The following PRELID2 variants were observed in gnomAD, a reference collection of about 807,000 sequenced individuals.
PRELID2 encodes PRELI domain containing 2.
A neutral mutation model predicts 28.4 loss-of-function variants in PRELID2; 25 were observed. The observed-to-expected ratio is 0.88, with a 90% CI of 0.64 to 1.23. PRELID2 has a LOEUF of 1.23. PRELID2 is among the 50% of genes most tolerant of loss of function. The probability of loss-of-function intolerance (pLI) is 0.00; values close to 1 mark genes in which losing one functional copy is unlikely to be tolerated. For missense variants in PRELID2, 201 were observed against 214.4 expected, an observed-to-expected ratio of 0.94 and a Z score of 0.39; for synonymous variants, 76 against 71.6, an observed-to-expected ratio of 1.06 and a Z score of -0.31.
chr5:145,319,341 T>C, the PRELID2 span, among the ~76,000 whole-genome samples: 2 of 152,078 alleles, frequency 1.3e-5, no homozygotes, highest in Non-Finnish European at 2.9e-5. Flanking sequence ...CCGAATCTTG[T>C]CTCAAGTAAT....
At chr5:145,493,514 T>C (rs1046779250) in intron 1 of PRELID2, among the ~76,000 whole-genome samples, 13 of 152,170 alleles carry the variant, frequency 8.5e-5, no homozygotes, top group Non-Finnish European at 4.4e-5. Flanking sequence ...TGATAAACAC[T>C]GTAGCATGGC....
At chr5:145,268,476 C>T in the PRELID2 span, among the ~76,000 whole-genome samples, 1 of 152,080 alleles carries the variant, frequency 6.6e-6, no homozygotes, top group South Asian at 2.1e-4. Flanking sequence ...GGCTTCCACG[C>T]ACCACAGGTA....
the PRELID2 span, among the ~76,000 whole-genome samples, chr5:145,412,448 T>C: frequency 6.6e-6 from 1 of 152,202 alleles, no homozygotes; most frequent in Admixed American, 6.5e-5. Flanking sequence ...TTCTTCACCA[T>C]CTGACCACCT....
chr5:145,464,895 G>C, the PRELID2 span, among the ~76,000 whole-genome samples: 3 of 151,958 alleles, frequency 2.0e-5, no homozygotes, highest in African/African-American at 7.3e-5. Flanking sequence ...CCAACAGGGG[G>C]GACTGGGGTA....
chr5:145,268,352 T>G, the PRELID2 span, among the ~76,000 whole-genome samples: 11,054 of 152,146 alleles, frequency 0.073, 1,247 homozygotes, highest in African/African-American at 0.25. Context: ...TCATTCTTCT[T>G]CATGTGGATA....
the PRELID2 span, among the ~76,000 whole-genome samples, chr5:145,449,040 T>C: frequency 6.6e-6 from 1 of 152,174 alleles, no homozygotes; most frequent in Non-Finnish European, 1.5e-5. Flanking sequence ...GAACACCATC[T>C]GCTGCCTGGT....
intron 1 of PRELID2, among the ~76,000 whole-genome samples, chr5:145,486,714 A>T (rs552910480): frequency 6.6e-6 from 1 of 152,312 alleles, no homozygotes; most frequent in South Asian, 2.1e-4. Flanking sequence ...ATCTTCTACT[A>T]CCTTAGTCAT....
intron 1 of PRELID2, among the ~76,000 whole-genome samples, chr5:145,544,330 C>G (rs902728292): frequency 1.3e-5 from 2 of 152,086 alleles, no homozygotes; most frequent in South Asian, 2.1e-4. Flanking sequence ...TAAACTTATG[C>G]TTTAATTTCA....
chr5:145,740,855 T>A (rs1262122470), intron 1 of PRELID2, among the ~76,000 whole-genome samples: 1 of 30,322 alleles, frequency 3.3e-5, no homozygotes. Flanking sequence ...AATATATATG[T>A]ACATATATTT....
the PRELID2 span, among the ~76,000 whole-genome samples, chr5:145,340,745 G>A: frequency 1.4e-5 from 2 of 145,022 alleles, no homozygotes; most frequent in African/African-American, 5.1e-5. Flanking sequence ...CTGGGTGACA[G>A]AGTGAGACCC....
the PRELID2 span, among the ~76,000 whole-genome samples, chr5:145,315,533 T>C: frequency 1.3e-5 from 2 of 150,002 alleles, no homozygotes; most frequent in Non-Finnish European, 3.0e-5. Context: ...CCTAGTTTGC[T>C]TGCTCTTTCA....
At chr5:145,676,529 ACT>A (rs1303413156) in intron 1 of PRELID2, among the ~76,000 whole-genome samples, 1 of 152,160 alleles carries the variant, frequency 6.6e-6, no homozygotes, top group African/African-American at 2.4e-5. Context: ...ACAGAGGGAG[ACT>A]CTGTCTCAAA....
chr5:145,520,790 AT>A (rs1752557402), intron 1 of PRELID2, among the ~76,000 whole-genome samples: 1 of 152,160 alleles, frequency 6.6e-6, no homozygotes, highest in Non-Finnish European at 1.5e-5. Context: ...CTGTTTTCAT[AT>A]TATCATCTCA....
At chr5:145,616,569 GC>G (rs993179355) in intron 1 of PRELID2, among the ~76,000 whole-genome samples, 23 of 152,210 alleles carry the variant, frequency 1.5e-4, no homozygotes, top group African/African-American at 5.3e-4. Context: ...GTTCTGTGAT[GC>G]CCCCCAAGCC....
chr5:145,286,886 T>A, the PRELID2 span, among the ~76,000 whole-genome samples: 65 of 152,242 alleles, frequency 4.3e-4, no homozygotes, highest in African/African-American at 1.4e-3. Flanking sequence ...ATTTTTTGTA[T>A]TTTTAGCAGA....
the PRELID2 span, among the ~76,000 whole-genome samples, chr5:145,250,489 G>A: frequency 1.3e-5 from 2 of 152,110 alleles, no homozygotes; most frequent in Non-Finnish European, 2.9e-5. Context: ...TGACCAACTT[G>A]CGATCAAATC....
At chr5:145,282,174 A>G in the PRELID2 span, among the ~76,000 whole-genome samples, 1 of 152,202 alleles carries the variant, frequency 6.6e-6, no homozygotes, top group Admixed American at 6.5e-5. Flanking sequence ...TGGTGTTGTT[A>G]ATAATAATAC....
intron 1 of PRELID2, among the ~76,000 whole-genome samples, chr5:145,691,037 T>G (rs935359715): frequency 3.9e-5 from 6 of 152,216 alleles, no homozygotes; most frequent in African/African-American, 1.2e-4. Context: ...ATTTATGCAC[T>G]GCATGTGATG....
intron 5 of PRELID2, among the ~76,000 whole-genome samples, chr5:145,789,046 T>C (rs530396177): frequency 1.2e-4 from 18 of 152,318 alleles, no homozygotes; most frequent in Non-Finnish European, 2.1e-4. Flanking sequence ...CTTGAAAGAA[T>C]TAATATTGCT....
Sources: gnomAD v4.1 joint callset for allele counts (sites outside exome capture counted in the v4.1 genomes callset) on GRCh38, gnomAD v4.1.1 for gene constraint, MANE v1.5 for transcripts, NCBI Gene and HGNC (gene_info 2026-07-23, HGNC 2026-07-21) for gene names.